Variants in FARP1 observed in about 807,000 individuals in gnomAD.
FARP1 encodes the protein FERM, ARH/RhoGEF and pleckstrin domain protein 1, also known as FERM, ARHGEF and pleckstrin domain-containing protein 1.
A neutral mutation model predicts 128.8 loss-of-function variants in FARP1; 52 were observed. That is an observed-to-expected ratio of 0.40 (90% confidence interval 0.32 to 0.51). The LOEUF (loss-of-function observed/expected upper bound fraction) is 0.51. FARP1 is among the 20% of genes least tolerant of loss of function. The pLI, the probability that FARP1 is intolerant of heterozygous loss-of-function variation, is 0.45. For missense variants in FARP1, 1,333 were observed against 1,367.9 expected, an observed-to-expected ratio of 0.97 and a Z score of 0.40; for synonymous variants, 580 against 551.8, an observed-to-expected ratio of 1.05 and a Z score of -0.72.
intron 24 of FARP1, among the ~76,000 whole-genome samples, chr13:98,444,860 C>G (rs1163237930): frequency 6.6e-6 from 1 of 152,204 alleles, no homozygotes; most frequent in African/African-American, 2.4e-5. Flanking sequence ...TTGCGTGACC[C>G]AAGATGCCGC....
chr13:98,339,966 C>T (rs1487232519), intron 2 of FARP1, among the ~76,000 whole-genome samples: 2 of 152,266 alleles, frequency 1.3e-5, no homozygotes, highest in East Asian at 3.9e-4. Context: ...CATACATTCA[C>T]AGAAACCGCT....
chr13:98,331,640 G>A (rs1594411581), intron 2 of FARP1: 1 of 152,244 alleles, frequency 6.6e-6, no homozygotes, highest in African/African-American at 2.4e-5. Flanking sequence ...CCTGCTGGAT[G>A]ATGGCACTGG....
chr13:98,278,454 G>A (rs1422493736), intron 2 of FARP1, among the ~76,000 whole-genome samples: 2 of 152,130 alleles, frequency 1.3e-5, no homozygotes, highest in African/African-American at 2.4e-5. Context: ...GTGTGAGACA[G>A]TGTTGCAAGT....
At chr13:98,375,360 A>G (rs1451358839) in intron 5 of FARP1, among the ~76,000 whole-genome samples, 6 of 152,104 alleles carry the variant, frequency 3.9e-5, no homozygotes, top group Non-Finnish European at 2.9e-5. Context: ...TATTCTTGCT[A>G]TGTTATAAAT....
intron 2 of FARP1, among the ~76,000 whole-genome samples, chr13:98,241,876 G>A (rs1323383505): frequency 2.2e-4 from 33 of 152,086 alleles, no homozygotes; most frequent in Admixed American, 1.6e-3. Flanking sequence ...CCGAGATTGC[G>A]CCACTGCACA....
intron 13 of FARP1, chr13:98,398,254 T>C (rs1270730141): frequency 3.3e-5 from 5 of 152,250 alleles, no homozygotes; most frequent in Non-Finnish European, 7.3e-5. Flanking sequence ...CAGTGCCTGA[T>C]TGAATCAAGC....
At chr13:98,209,070 A>G (rs1387938684) in intron 1 of FARP1, among the ~76,000 whole-genome samples, 7 of 152,128 alleles carry the variant, frequency 4.6e-5, no homozygotes, top group South Asian at 2.1e-4. Flanking sequence ...GTGCAGTGGC[A>G]CGATCTCGGC....
intron 2 of FARP1, among the ~76,000 whole-genome samples, chr13:98,298,815 T>C (rs1885806850): frequency 6.6e-6 from 1 of 152,174 alleles, no homozygotes; most frequent in Admixed American, 6.5e-5. Context: ...CACCCGCTGA[T>C]GGATGAGTAG....
chr13:98,445,434 C>T (rs78531197), intron 24 of FARP1: 23,119 of 152,234 alleles, frequency 0.15, 1,973 homozygotes, highest in African/African-American at 0.2. Context: ...TGGGCTGCAG[C>T]GCATCCTAAC....
chr13:98,245,407 T>C (rs1882999622), intron 2 of FARP1: 1 of 937,110 alleles, frequency 1.1e-6, no homozygotes, highest in Admixed American at 6.2e-5. Flanking sequence ...CCATGTTCAG[T>C]GTTTTATGTG....
rs1489445356 is a variant in FARP1, at chr13:98,176,663, G to C, written c.-24+33171G>C. On this transcript the variant is annotated intron_variant, in intron 1 of 26. Coordinates refer to ENST00000319562, the MANE Select transcript of FARP1 (RefSeq NM_005766.4). This position sits in a 1 kb window ranked among gnomAD's most constrained non-coding sequence, Gnocchi z 6.2. ...TTGTAGTCCTTGCAGATGTCAGGCT[G>C]GTAATCCCAGCGCACAGTGGCGCGC... 6.2e-7 allele frequency: 1 copy of C among 1,614,102 alleles called. No homozygotes were observed. The highest frequency in any genetic ancestry group is 1.3e-5 in the African/African-American group (1 of 74,934).
In FARP1 at chr13:98,305,627, C is replaced by T. The variant is rs568978996; in HGVS notation, c.172-38135C>T. 5.9e-5 allele frequency among the ~76,000 whole-genome samples: 9 copies of T among 152,320 alleles called. No homozygotes were observed. In the South Asian group the frequency reaches 1.2e-3, roughly 21 times the overall value. On this transcript the variant is annotated intron_variant, in intron 2 of 26. Transcript: ENST00000319562. The stretch of plus-strand genomic sequence containing the variant: ...GGAATTACAGGCGTGAGCCACCACG[C>T]GGGCCCTGAGAATTTCCTTAATGTG...
In FARP1 at chr13:98,220,862, G is replaced by GA. The variant is rs113914229; in HGVS notation, c.171+7459dup. Among the ~76,000 whole-genome samples, 544 of 146,994 alleles carry GA rather than the reference G, an allele frequency of 3.7e-3. 1 individual carries two copies. Among genetic ancestry groups the GA allele is most frequent in the African/African-American group, 5.2e-3 (208 of 39,902 alleles). Reference sequence around the variant, plus strand: ...AACAGCTGTTTGCTATTTTATCCCTGAAAAAAAAAACCAGTATAACCTAAT... The same window carrying GA: ...AACAGCTGTTTGCTATTTTATCCCTGAAAAAAAAAAACCAGTATAACCTAAT... On this transcript the variant is annotated intron_variant, in intron 2 of 26. Coordinates refer to ENST00000319562, the MANE Select transcript of FARP1 (RefSeq NM_005766.4).
At chr13:98,221,504 A>G (rs1263938635) in intron 2 of FARP1, among the ~76,000 whole-genome samples, 1 of 152,198 alleles carries the variant, frequency 6.6e-6, no homozygotes, top group East Asian at 1.9e-4. Context: ...ATAAGAACCA[A>G]GCACCACTTG....
intron 1 of FARP1, among the ~76,000 whole-genome samples, chr13:98,153,882 T>A (rs182938249): frequency 1.3e-5 from 2 of 152,186 alleles, no homozygotes; most frequent in Non-Finnish European, 2.9e-5. Context: ...TTTTAATGCA[T>A]AGATTTGTGT....
At chr13:98,211,591 A>G (rs1297729008) in intron 1 of FARP1, among the ~76,000 whole-genome samples, 6 of 152,172 alleles carry the variant, frequency 3.9e-5, no homozygotes, top group African/African-American at 1.4e-4. Flanking sequence ...TGCCTGTGCC[A>G]TCGTGTTTCT....
Position 98,174,248 on chromosome 13 carries a change from GA to G in FARP1, c.-24+30758del, listed in dbSNP as rs374929601. Among the ~76,000 whole-genome samples the G allele has an allele frequency of 6.2e-4, 95 of 152,282 alleles. 1 individual carries two copies. In the East Asian group the frequency reaches 8.9e-3, roughly 14 times the overall value. On this transcript the variant is annotated intron_variant, in intron 1 of 26. Transcript: ENST00000319562. ...ACCTTATTCTGTCATTTTAAAAATG[GA>G]ATAAGAACTATATATCTTAGTGCAT...
intron 1 of FARP1, among the ~76,000 whole-genome samples, chr13:98,179,737 G>GCC (rs1159235849): frequency 1.3e-5 from 2 of 150,844 alleles, no homozygotes; most frequent in African/African-American, 2.5e-5. Context: ...GGTGCCTGTA[G>GCC]CCCCAGCTAC....
In FARP1 at chr13:98,441,723, G is replaced by A. The variant is rs568511059; in HGVS notation, c.2796+887G>A. 1.2e-4 allele frequency among the ~76,000 whole-genome samples: 19 copies of A among 152,290 alleles called. No homozygotes were observed. The East Asian group carries it at 1.7e-3, about 14-fold the overall frequency. ...TTTGTGGCTGGCTTTGGGGGAAGGA[G>A]GTTCTGGTTTCAATGACCCGCCTTA... On this transcript the variant is annotated intron_variant, in intron 24 of 26. Coordinates refer to ENST00000319562, the MANE Select transcript of FARP1 (RefSeq NM_005766.4).
Sources: allele counts gnomAD v4.1 joint callset (sites outside exome capture counted in the v4.1 genomes callset), GRCh38; gene constraint gnomAD v4.1.1; non-coding constraint Gnocchi (gnomAD v3.1); transcripts MANE v1.5; gene names NCBI Gene and HGNC (gene_info 2026-07-23, HGNC 2026-07-21).